MALRD1: variants seen among roughly 807,000 people sequenced by gnomAD.
MALRD1 encodes MAM and LDL receptor class A domain containing 1, also known as MAM and LDL-receptor class A domain-containing protein 1.
In MALRD1, 247 loss-of-function variants were observed where a neutral mutation model predicts 242.1. The observed-to-expected ratio is 1.02, with a 90% CI of 0.92 to 1.13. MALRD1 has a LOEUF of 1.13. Among genes scored for constraint, MALRD1 ranks in the 50% most tolerant of loss-of-function variants. MALRD1 has a pLI of 0.00. For synonymous variants in MALRD1, 995 were observed against 866.6 expected (o/e 1.15, Z -2.60); for missense variants, 2,989 against 2,533.1 (o/e 1.18, Z -3.86).
chr10:19,369,629 A>G (rs185610979), intron 26 of MALRD1, among the ~76,000 whole-genome samples: 523 of 44,898 alleles, frequency 0.012, 4 homozygotes, highest in African/African-American at 0.043. Context: ...ATACATAAGT[A>G]TACAGATATA....
intron 29 of MALRD1, among the ~76,000 whole-genome samples, chr10:19,464,259 G>C (rs1836108271): frequency 6.6e-6 from 1 of 151,984 alleles, no homozygotes; most frequent in Non-Finnish European, 1.5e-5. Flanking sequence ...TTTGCTTTTG[G>C]GTTCTTGGTC....
intron 36 of MALRD1, among the ~76,000 whole-genome samples, chr10:19,640,475 A>G (rs1564508252): frequency 1.3e-5 from 2 of 149,432 alleles, no homozygotes; most frequent in Non-Finnish European, 3.0e-5. Flanking sequence ...AAGAAGAGAC[A>G]GGAGAAGAAA....
At chr10:19,055,418 G>C (rs1188676087) in intron 1 of MALRD1, among the ~76,000 whole-genome samples, 5 of 152,096 alleles carry the variant, frequency 3.3e-5, no homozygotes, top group African/African-American at 4.8e-5. Context: ...GGTCCTATTT[G>C]TATATTTTTG....
chr10:19,446,986 A>G (rs1004576963), intron 28 of MALRD1, among the ~76,000 whole-genome samples: 3 of 151,976 alleles, frequency 2.0e-5, no homozygotes, highest in African/African-American at 4.8e-5. Context: ...CATATGTGGA[A>G]TAAAAATTTG....
At chr10:19,529,751 A>G (rs955322043) in intron 31 of MALRD1, among the ~76,000 whole-genome samples, 10 of 152,124 alleles carry the variant, frequency 6.6e-5, no homozygotes, top group African/African-American at 2.4e-4. Context: ...ATAAACACAC[A>G]GATTAAAAAT....
intron 19 of MALRD1, among the ~76,000 whole-genome samples, chr10:19,261,280 TAAA>T (rs141639649): frequency 6.6e-6 from 1 of 151,544 alleles, no homozygotes; most frequent in Non-Finnish European, 1.5e-5. Flanking sequence ...GGAAGAAAAA[TAAA>T]AAAAACTTGA....
At chr10:19,143,354 C>T (rs1013097365) in intron 10 of MALRD1, among the ~76,000 whole-genome samples, 2 of 152,184 alleles carry the variant, frequency 1.3e-5, no homozygotes, top group African/African-American at 4.8e-5. Flanking sequence ...TCCATTTTCA[C>T]ACTCATCGAT....
chr10:19,315,971 C>T (rs1027501857), intron 21 of MALRD1, among the ~76,000 whole-genome samples: 3 of 150,256 alleles, frequency 2.0e-5, no homozygotes, highest in Non-Finnish European at 4.4e-5. Flanking sequence ...ACTCAGACAT[C>T]CACATATACC....
intron 29 of MALRD1, among the ~76,000 whole-genome samples, chr10:19,487,512 T>G (rs1837288410): frequency 1.1e-5 from 1 of 92,054 alleles, no homozygotes; most frequent in African/African-American, 4.9e-5. Context: ...TGTAGCCTAT[T>G]TTAACTTTTT....
chr10:19,393,733 G>T (rs1846449562), intron 28 of MALRD1, among the ~76,000 whole-genome samples: 1 of 151,932 alleles, frequency 6.6e-6, no homozygotes, highest in South Asian at 2.1e-4. Flanking sequence ...TGGATTACAG[G>T]CGTGAGCCAC....
chr10:19,291,703 G>A (rs2131921940), intron 21 of MALRD1, among the ~76,000 whole-genome samples: 1 of 151,870 alleles, frequency 6.6e-6, no homozygotes, highest in African/African-American at 2.4e-5. Flanking sequence ...TTTGATCAGA[G>A]AAGATTCATT....
intron 5 of MALRD1, among the ~76,000 whole-genome samples, chr10:19,116,226 A>G (rs770932028): frequency 6.6e-6 from 1 of 152,232 alleles, no homozygotes; most frequent in Non-Finnish European, 1.5e-5. Flanking sequence ...ACAGCTGATT[A>G]TAATTTTGTA....
intron 26 of MALRD1, among the ~76,000 whole-genome samples, chr10:19,384,939 C>G (rs1032935712): frequency 6.6e-6 from 1 of 151,146 alleles, no homozygotes; most frequent in Non-Finnish European, 1.5e-5. Context: ...ATGTAAATTC[C>G]TTCTATGTAT....
intron 12 of MALRD1, among the ~76,000 whole-genome samples, chr10:19,159,748 G>C (rs1834317214): frequency 6.6e-6 from 1 of 152,082 alleles, no homozygotes; most frequent in Admixed American, 6.6e-5. Context: ...CAAGGTCCCA[G>C]AGGCACTGTA....
At chr10:19,532,847 T>G (rs1834485592) in intron 32 of MALRD1, among the ~76,000 whole-genome samples, 1 of 152,222 alleles carries the variant, frequency 6.6e-6, no homozygotes, top group Non-Finnish European at 1.5e-5. Context: ...TGTAAAAATT[T>G]TAAATTATTT....
At chr10:19,126,653 G>T (rs539095818) in intron 7 of MALRD1, among the ~76,000 whole-genome samples, 1 of 151,410 alleles carries the variant, frequency 6.6e-6, no homozygotes, top group South Asian at 2.1e-4. Flanking sequence ...AATGTAATTC[G>T]TTTTTGCTGT....
chr10:19,323,718 C>A (rs1219851572), intron 21 of MALRD1, among the ~76,000 whole-genome samples: 3 of 152,128 alleles, frequency 2.0e-5, no homozygotes, highest in Non-Finnish European at 4.4e-5. Flanking sequence ...AAGTGATTCT[C>A]CTGCCTCAGC....
chr10:19,652,571 C>G (rs996359603), intron 36 of MALRD1, among the ~76,000 whole-genome samples: 3 of 152,102 alleles, frequency 2.0e-5, no homozygotes, highest in African/African-American at 7.2e-5. Context: ...GGGAGATGCT[C>G]TGTGAACCAA....
chr10:19,704,593 G>A (rs1219138776), intron 38 of MALRD1, among the ~76,000 whole-genome samples: 1 of 152,198 alleles, frequency 6.6e-6, no homozygotes, highest in Non-Finnish European at 1.5e-5. Context: ...TGCAATAGTA[G>A]AAAGATGGTT....
Sources: gnomAD v4.1 joint callset for allele counts (sites outside exome capture counted in the v4.1 genomes callset) on GRCh38, gnomAD v4.1.1 for gene constraint, MANE v1.5 for transcripts, NCBI Gene and HGNC (gene_info 2026-07-23, HGNC 2026-07-21) for gene names.